Variants in WWC2 observed in about 807,000 individuals in gnomAD.
WWC2 encodes protein WWC2.
In WWC2, 101 loss-of-function variants were observed where a neutral mutation model predicts 138.5. The ratio of observed to expected loss-of-function variants is 0.73; its 90% CI spans 0.62 to 0.86. WWC2 has a LOEUF of 0.86. Ranked by LOEUF, WWC2 falls within the 40% of genes least tolerant of loss-of-function variation. The pLI, the probability that WWC2 is intolerant of heterozygous loss-of-function variation, is 0.00. For missense variants in WWC2, 1,420 were observed against 1,419.4 expected, an observed-to-expected ratio of 1.00 and a Z score of -0.01; for synonymous variants, 558 against 538.4, an observed-to-expected ratio of 1.04 and a Z score of -0.50.
At position 183,320,508 on chromosome 4, in the gene WWC2, G is replaced by A; in HGVS notation, c.*4779G>A. The A allele has an allele frequency of 2.5e-6, 1 of 403,376 alleles. No individual in the cohort carries two copies. Among genetic ancestry groups the A allele is most frequent in the Non-Finnish European group, 4.6e-6 (1 of 218,542 alleles). 25.0% of individuals were successfully genotyped at this position (403,376 alleles called of 1,614,324 possible). ...GTTTGTCACTGAAATATAATTAAGT[G>A]ATAATCTCCTTTCATTGTCAAGGTT... On this transcript the variant is annotated 3_prime_UTR_variant, in exon 23 of 23. Transcript: ENST00000403733.
chr4:183,284,327 G>C lies in WWC2; in HGVS notation c.2985G>C (p.Arg995Ser), dbSNP rs1738175920. The C allele has an allele frequency of 1.2e-6, 2 of 1,613,968 alleles. No homozygotes were observed. The highest frequency in any genetic ancestry group is 1.7e-6 in the Non-Finnish European group (2 of 1,179,898). Residue 995 changes from arginine (R) to serine (S), a missense_variant, in exon 19 of 23, where the codon AGG (arginine) becomes AGC (serine). Physicochemically the swap from Arg to Ser is moderately radical, Grantham distance 110 (BLOSUM62 -1). Coordinates refer to ENST00000403733, the MANE Select transcript of WWC2 (RefSeq NM_024949.6). ...SLSSRQHPFV[R>S]SSVIVRSQTF... ...GCTCTAGACAGCATCCGTTTGTGAG[G>C]AGCAGTGTGATAGTGCGCTCACAGA...
intron 3 of WWC2, among the ~76,000 whole-genome samples, chr4:183,208,674 G>A (rs1735510304): frequency 6.6e-6 from 1 of 152,120 alleles, no homozygotes. Context: ...ATATACTGCT[G>A]CAGTATAGTC....
chr4:183,165,799 G>C (rs1580004676), intron 1 of WWC2, among the ~76,000 whole-genome samples: 3 of 152,122 alleles, frequency 2.0e-5, no homozygotes. Flanking sequence ...TTTGAATGTG[G>C]TGTGATGAAA....
chr4:183,320,146 A>T lies in WWC2; in HGVS notation c.*4417A>T, dbSNP rs765582626. 19 of 1,614,070 alleles carry T rather than the reference A, an allele frequency of 1.2e-5. No individual in the cohort carries two copies. In the South Asian group the frequency reaches 1.6e-4, roughly 14 times the overall value. On this transcript the variant is annotated 3_prime_UTR_variant, in exon 23 of 23. Coordinates refer to ENST00000403733, the MANE Select transcript of WWC2 (RefSeq NM_024949.6). ...CAGTGTGGCAGGTAGTTTGTAAGAC[A>T]GGATAAAACCCATCCCAGCAAAGAT...
At chr4:183,202,243 A>C (rs1424770713) in intron 2 of WWC2, among the ~76,000 whole-genome samples, 1 of 152,060 alleles carries the variant, frequency 6.6e-6, no homozygotes, top group African/African-American at 2.4e-5. Flanking sequence ...GAGTTAGATA[A>C]AAGAGGAGGT....
intron 2 of WWC2, among the ~76,000 whole-genome samples, chr4:183,207,110 C>T (rs1318591470): frequency 6.6e-6 from 1 of 151,914 alleles, no homozygotes; most frequent in Non-Finnish European, 1.5e-5. Context: ...TTCTTGGGCT[C>T]GGCTGCTCAA....
At chr4:183,168,443 T>C (rs964153366) in intron 1 of WWC2, among the ~76,000 whole-genome samples, 4 of 152,222 alleles carry the variant, frequency 2.6e-5, no homozygotes, top group African/African-American at 9.6e-5. Context: ...TATCATTTTA[T>C]AGAAGAAGAA....
chr4:183,174,776 TCTC>T (rs771322464), intron 1 of WWC2, among the ~76,000 whole-genome samples: 20 of 152,100 alleles, frequency 1.3e-4, no homozygotes, highest in Non-Finnish European at 2.4e-4. Flanking sequence ...CTTTTCCTCC[TCTC>T]CTCCTTCTCC....
chr4:183,282,582 C>A, intron 17 of WWC2, 126 bp from the exon 18 acceptor site: 2 of 968,536 alleles, frequency 2.1e-6, no homozygotes, highest in Non-Finnish European at 3.0e-6. Flanking sequence ...AAACCCCAGC[C>A]AAAGAAATGG....
chr4:183,191,500 T>C, intron 1 of WWC2, among the ~76,000 whole-genome samples: 1 of 152,200 alleles, frequency 6.6e-6, no homozygotes, highest in East Asian at 1.9e-4. Flanking sequence ...CTAGGGCTTT[T>C]AAGGCTAATA....
intron 1 of WWC2, among the ~76,000 whole-genome samples, chr4:183,157,648 A>G (rs1422988289): frequency 5.9e-5 from 9 of 152,064 alleles, no homozygotes; most frequent in Admixed American, 3.3e-4. Context: ...TTACAGGTGC[A>G]TGCCACCACA....
chr4:183,164,885 G>GTA (rs1734088655), intron 1 of WWC2, among the ~76,000 whole-genome samples: 1 of 152,004 alleles, frequency 6.6e-6, no homozygotes, highest in South Asian at 2.1e-4. Context: ...AATGACCAAT[G>GTA]GTATACTGTA....
chr4:183,277,557 C>G (rs1243610794), intron 16 of WWC2, among the ~76,000 whole-genome samples: 2 of 149,038 alleles, frequency 1.3e-5, no homozygotes, highest in African/African-American at 4.9e-5. Flanking sequence ...AATCACCACA[C>G]TGACTTCCAC....
Position 183,124,178 on chromosome 4 carries a change from G to T in WWC2, c.131+24556G>T, listed in dbSNP as rs1434838819. On this transcript the variant is annotated intron_variant, in intron 1 of 22. Coordinates refer to ENST00000403733, the MANE Select transcript of WWC2 (RefSeq NM_024949.6). ...CTATTTGGTAGCAGATAATTGTTTG[G>T]GTATCTATATGGCTGATTTTCTTGT... 3.3e-5 allele frequency among the ~76,000 whole-genome samples: 5 copies of T among 152,114 alleles called. No individual in the cohort carries two copies. In the South Asian group the frequency reaches 8.3e-4, roughly 25 times the overall value.
chr4:183,261,482 A>G lies in WWC2; in HGVS notation c.1859A>G (p.Asp620Gly). The G allele has an allele frequency of 1.2e-6, 2 of 1,612,978 alleles. No individual in the cohort carries two copies. Among genetic ancestry groups the G allele is most frequent in the Admixed American group, 1.7e-5 (1 of 59,918 alleles). The change falls in exon 11 of 23, where the codon GAT becomes GGT. Residue 620 changes from aspartate to glycine, a missense_variant. Physicochemically the swap from Asp to Gly is moderately conservative, Grantham distance 94. Transcript: ENST00000403733. ...GGAGCCTCCCAGTCTCTTTCAGAGG[A>G]TAAAGACCTTAATGAATGTGCTAGG... ...SGGASQSLSE[D>G]KDLNECAREP...
In WWC2 at chr4:183,208,088, C is replaced by G; in HGVS notation, c.377C>G (p.Ala126Gly). The G allele has an allele frequency of 6.2e-7, 1 of 1,613,808 alleles. No individual in the cohort carries two copies. Among genetic ancestry groups the G allele is most frequent in the African/African-American group, 1.3e-5 (1 of 75,012 alleles). Residue 126 changes from alanine to glycine, a missense_variant, in exon 3 of 23, where the codon GCG becomes GGG. Transcript: ENST00000403733. ...TACCATGTGAAGGAGCAGAGGCTGGCGCTGGCCCTGGATGAATACGTGCGA... is the reference window on the plus strand; with the variant it reads ...TACCATGTGAAGGAGCAGAGGCTGGGGCTGGCCCTGGATGAATACGTGCGA... ...ELYHVKEQRLALALDEYVRLN... is the reference protein window; with the variant it reads ...ELYHVKEQRLGLALDEYVRLN...
At chr4:183,180,844 C>T (rs775694910) in intron 1 of WWC2, among the ~76,000 whole-genome samples, 2 of 151,682 alleles carry the variant, frequency 1.3e-5, no homozygotes, top group Non-Finnish European at 2.9e-5. Flanking sequence ...AGATTTCCCA[C>T]AATTTGAAAA....
intron 1 of WWC2, among the ~76,000 whole-genome samples, chr4:183,121,343 G>A (rs1732593764): frequency 6.6e-6 from 1 of 150,444 alleles, no homozygotes; most frequent in Non-Finnish European, 1.5e-5. Flanking sequence ...TCAGATTTTG[G>A]ATTTTTTTTT....
At chr4:183,248,271 A>G (rs1393211085) in intron 6 of WWC2, among the ~76,000 whole-genome samples, 17 of 152,244 alleles carry the variant, frequency 1.1e-4, no homozygotes, top group Admixed American at 1.1e-3. Flanking sequence ...GTCCAGATGT[A>G]CAATGGCTTA....
Sources: gnomAD v4.1 joint callset for allele counts (sites outside exome capture counted in the v4.1 genomes callset) on GRCh38, gnomAD v4.1.1 for gene constraint, MANE v1.5 for transcripts, NCBI Gene and HGNC (gene_info 2026-07-23, HGNC 2026-07-21) for gene names.